MYO15B: variants seen among roughly 807,000 people sequenced by gnomAD.
MYO15B encodes the protein myosin XVB pseudogene.
MYO15B carries 207 observed loss-of-function variants against 119.3 expected under a neutral mutation model. That is an observed-to-expected ratio of 1.73 (90% CI 1.55 to 1.95). The LOEUF (loss-of-function observed/expected upper bound fraction) is 1.95, where lower values mean the gene tolerates loss of function less well. Among genes scored for constraint, MYO15B ranks in the 30% most tolerant of loss-of-function variants. The pLI is 0.00. For synonymous variants in MYO15B, 966 were observed against 498.9 expected (o/e 1.94, Z -12.48); for missense variants, 2,264 against 1,203.1 (o/e 1.88, Z -13.04).
At chr17:75,611,543 G>A (rs1488455103) in intron 23 of MYO15B, 58 bp from the exon 24 acceptor site, 1 of 699,354 alleles carries the variant, frequency 1.4e-6, no homozygotes, top group Non-Finnish European at 2.6e-6. Context: ...GTGTGGGGAG[G>A]GACACTGGTC....
chr17:75,594,554 A>G, exon 10 of MYO15B: 1 of 647,850 alleles, frequency 1.5e-6, no homozygotes. Flanking sequence ...GTACCACCAG[A>G]GTGCCTGGAG....
At chr17:75,606,308 G>C (rs1295267009) in intron 21 of MYO15B, among the ~76,000 whole-genome samples, 1 of 151,860 alleles carries the variant, frequency 6.6e-6, no homozygotes, top group Non-Finnish European at 1.5e-5. Flanking sequence ...CCACACTGTG[G>C]GAACAATCTT....
rs2058877795 is a variant in MYO15B at position 75,624,170 on chromosome 17, T to C, written c.8273-5T>C. ...TCTCATAACCCCAGGCTGGCTTCTCTGCAGAGCTGGCCCGGAGCAGCCAGG... is the reference window on the plus strand; with the variant it reads ...TCTCATAACCCCAGGCTGGCTTCTCCGCAGAGCTGGCCCGGAGCAGCCAGG... On this transcript the variant is annotated splice_region_variant and splice_polypyrimidine_tract_variant and intron_variant, in intron 55 of 63. Coordinates refer to ENST00000645453, the Ensembl canonical transcript of MYO15B. 1.4e-6 allele frequency: 1 copy of C among 702,844 alleles called. No homozygotes were observed. Among genetic ancestry groups the C allele is most frequent in the Non-Finnish European group, 2.6e-6 (1 of 384,968 alleles). The allele number at this position is 702,844 out of a possible 1,614,324, so 43.5% of individuals were successfully genotyped here. A position where few individuals can be genotyped will look rare whatever the true frequency, so the allele number is the denominator to read the frequency against.
At chr17:75,621,936 A>G (rs2058734153) in intron 52 of MYO15B, 68 bp from the exon 53 acceptor site, 1 of 691,396 alleles carries the variant, frequency 1.4e-6, no homozygotes, top group Non-Finnish European at 2.7e-6. Context: ...CTGCACAGCA[A>G]CAGCATGAGC....
intron 25 of MYO15B, 52 bp from the exon 26 acceptor site, chr17:75,612,746 T>C (rs988047067): frequency 2.8e-6 from 2 of 702,260 alleles, no homozygotes; most frequent in Non-Finnish European, 5.2e-6. Context: ...GGGGCTCCCC[T>C]GGGCTGTCTG....
At chr17:75,603,236 G>T (rs2057399723) in exon 19 of MYO15B, 1 of 702,956 alleles carries the variant, frequency 1.4e-6, no homozygotes, top group Non-Finnish European at 2.6e-6. Context: ...ACTGCACCAG[G>T]CAGCCATACT....
intron 9 of MYO15B, among the ~76,000 whole-genome samples, chr17:75,593,667 C>G (rs2056637328): frequency 6.6e-6 from 1 of 151,070 alleles, no homozygotes. Flanking sequence ...TGCCTGTAAT[C>G]CCAGCACACT....
At chr17:75,598,865 G>A (rs1367281940) in intron 14 of MYO15B, among the ~76,000 whole-genome samples, 3 of 142,246 alleles carry the variant, frequency 2.1e-5, no homozygotes, top group Admixed American at 7.1e-5. Context: ...GGATTTCCAG[G>A]GCTCAGCAAT....
intron 49 of MYO15B, 112 bp downstream of exon 49, chr17:75,620,748 G>A (rs891865586): frequency 1.9e-5 from 13 of 697,270 alleles, no homozygotes; most frequent in Admixed American, 4.0e-5. Flanking sequence ...CCTGCTGTCC[G>A]TCTCCTGTGG....
intron 3 of MYO15B, 39 bp from the exon 4 acceptor site, chr17:75,591,133 C>G (rs376511693): frequency 2.8e-6 from 2 of 702,652 alleles, no homozygotes. Context: ...TCGGAGGGTC[C>G]CAGGTCCCCA....
intron 23 of MYO15B, 25 bp downstream of exon 23, chr17:75,610,984 T>C (rs1470671256): frequency 1.4e-6 from 1 of 699,730 alleles, no homozygotes; most frequent in Non-Finnish European, 2.6e-6. Context: ...AAGTGGGGGG[T>C]TTTACATGGG....
chr17:75,602,375 A>G (rs1294567095), intron 15 of MYO15B, 142 bp from the exon 16 acceptor site: 5 of 699,786 alleles, frequency 7.1e-6, no homozygotes. Flanking sequence ...AAGGCTAGGT[A>G]AAGGGCTGGA....
chr17:75,609,694 TCCTCCCTC>T (rs562510794), intron 21 of MYO15B, among the ~76,000 whole-genome samples: 7 of 142,330 alleles, frequency 4.9e-5, no homozygotes, highest in South Asian at 2.2e-4. Flanking sequence ...CTTCCTTCCT[TCCTCCCTC>T]CCTCCCTCCC....
chr17:75,613,885 G>T lies in MYO15B; in HGVS notation c.5219+108G>T, dbSNP rs1216509456. ...GGGCCGGGAGGAGAGGTGCCCCGGG[G>T]TGGGCAGGGGCCAGACTGCAGATGG... On this transcript the variant is annotated intron_variant, in intron 29 of 63. Coordinates refer to ENST00000645453, the Ensembl canonical transcript of MYO15B. 4 of 613,866 alleles carry T rather than the reference G, an allele frequency of 6.5e-6. No individual in the cohort carries two copies. In the South Asian group the frequency reaches 7.5e-5, roughly 12 times the overall value. The allele number at this position is 613,866 out of a possible 1,614,324, so 38.0% of individuals were successfully genotyped here. A position where few individuals can be genotyped will look rare whatever the true frequency, so the allele number is the denominator to read the frequency against.
intron 21 of MYO15B, 26 bp from the exon 22 acceptor site, chr17:75,610,140 C>T (rs776525850): frequency 3.5e-5 from 24 of 687,026 alleles, no homozygotes; most frequent in South Asian, 2.4e-4. Flanking sequence ...CTCTTCATTT[C>T]GCCCCCGCTC....
chr17:75,588,742 C>A (rs2056219906), exon 1 of MYO15B: 1 of 396,630 alleles, frequency 2.5e-6, no homozygotes, highest in Non-Finnish European at 4.4e-6. Flanking sequence ...GGGGACGGGG[C>A]CCCTGGGAGC....
intron 14 of MYO15B, among the ~76,000 whole-genome samples, chr17:75,598,184 C>T (rs1312113568): frequency 6.6e-6 from 1 of 151,310 alleles, no homozygotes; most frequent in Non-Finnish European, 1.5e-5. Flanking sequence ...AGGAGAATCG[C>T]TTGAACCCAG....
chr17:75,625,683 G>A (rs1276852100), intron 61 of MYO15B, 23 bp downstream of exon 61: 11 of 702,494 alleles, frequency 1.6e-5, no homozygotes, highest in East Asian at 2.7e-5. Context: ...CTAGGGGACC[G>A]CTGGGTGGGG....
chr17:75,601,413 A>G (rs1325298486), intron 14 of MYO15B, 25 bp from the exon 15 acceptor site: 2 of 702,494 alleles, frequency 2.8e-6, no homozygotes, highest in African/African-American at 3.5e-5. Context: ...AGAGGCGTGA[A>G]GGGAGCTCAT....
Sources: allele counts gnomAD v4.1 joint callset (sites outside exome capture counted in the v4.1 genomes callset), GRCh38; gene constraint gnomAD v4.1.1; transcripts MANE v1.5; gene names NCBI Gene and HGNC (gene_info 2026-07-23, HGNC 2026-07-21).